ETV6: variants seen among roughly 807,000 people sequenced by gnomAD.
ETV6 encodes the protein transcription factor ETV6.
Under a neutral mutation model 51.1 loss-of-function variants are expected in ETV6, and 16 were observed. The ratio of observed to expected loss-of-function variants is 0.31; its 90% CI spans 0.21 to 0.48. The LOEUF is 0.48. Ranked by LOEUF, ETV6 falls within the 20% of genes least tolerant of loss-of-function variation. The pLI is 0.99. For synonymous variants in ETV6, 240 were observed against 224.1 expected (o/e 1.07, Z -0.64); for missense variants, 458 against 594.8 (o/e 0.77, Z 2.39).
chr12:11,682,458 A>T (rs1162293865), intron 1 of ETV6, among the ~76,000 whole-genome samples: 4 of 152,056 alleles, frequency 2.6e-5, no homozygotes, highest in Non-Finnish European at 5.9e-5. Flanking sequence ...TAGATTCTGG[A>T]TATTAGCCCT....
chr12:11,660,598 C>CAA (rs3983865), intron 1 of ETV6, among the ~76,000 whole-genome samples: 59,565 of 106,108 alleles, frequency 0.56, 17,566 homozygotes, highest in African/African-American at 0.59. Flanking sequence ...GACTCTGTCT[C>CAA]AAAAAAAAAA....
At chr12:11,844,946 C>T (rs1400741641) in intron 3 of ETV6, among the ~76,000 whole-genome samples, 3 of 152,140 alleles carry the variant, frequency 2.0e-5, no homozygotes, top group African/African-American at 7.2e-5. Context: ...ATTCTCCTGC[C>T]TCAGCCTCCT....
intron 6 of ETV6, 43 bp from the exon 7 acceptor site, chr12:11,885,883 T>C: frequency 7.0e-7 from 1 of 1,423,710 alleles, no homozygotes; most frequent in Non-Finnish European, 9.9e-7. Context: ...CATTTCATTG[T>C]GTCTTTGTGC....
chr12:11,664,293 T>C (rs867244603), intron 1 of ETV6, among the ~76,000 whole-genome samples: 11 of 152,272 alleles, frequency 7.2e-5, no homozygotes, highest in Middle Eastern at 3.4e-3. Flanking sequence ...ACTGGATCAG[T>C]TTGCTAGCCT....
At chr12:11,754,205 AT>A (rs1337036546) in intron 2 of ETV6, among the ~76,000 whole-genome samples, 7 of 152,178 alleles carry the variant, frequency 4.6e-5, no homozygotes, top group Non-Finnish European at 5.9e-5. Flanking sequence ...ACAAATAGTT[AT>A]TGATTGCCTC....
chr12:11,840,165 C>T (rs928929235), intron 3 of ETV6, among the ~76,000 whole-genome samples: 17 of 152,256 alleles, frequency 1.1e-4, no homozygotes, highest in African/African-American at 4.1e-4. Flanking sequence ...AAAATACAAG[C>T]AGAGGTCTCC....
At chr12:11,829,010 T>C (rs538956443) in intron 2 of ETV6, among the ~76,000 whole-genome samples, 1 of 152,230 alleles carries the variant, frequency 6.6e-6, no homozygotes, top group Admixed American at 6.5e-5. Context: ...TCAGCCTTCT[T>C]TCCTCCAACC....
intron 2 of ETV6, among the ~76,000 whole-genome samples, chr12:11,808,456 A>AC (rs1049670918): frequency 1.8e-4 from 27 of 151,340 alleles, no homozygotes; most frequent in African/African-American, 5.8e-4. Flanking sequence ...AAAAAAAAAA[A>AC]CCCACAAATG....
At position 11,893,841 on chromosome 12, in the gene ETV6, T is replaced by TATATATATATATATACAC. The variant is rs1491290450; in HGVS notation, c.*2796_*2797insTATATATATATATACACA. The TATATATATATATATACAC allele has an allele frequency of 7.0e-5, 4 of 57,320 alleles. No homozygotes were observed. The highest frequency in any genetic ancestry group is 2.5e-4 in the African/African-American group (4 of 15,696). The allele number at this position is 57,320 out of a possible 1,614,324, so 3.6% of individuals were successfully genotyped here. A position where few individuals can be genotyped will look rare whatever the true frequency, so the allele number is the denominator to read the frequency against. Reference sequence around the variant, plus strand: ...ATATATATATATATATATATATATATACACACACACACACATACACAAATA... The same window carrying TATATATATATATATACAC: ...ATATATATATATATATATATATATATATATATATATATATACACACACACACACACACATACACAAATA... On this transcript the variant is annotated 3_prime_UTR_variant, in exon 8 of 8. Transcript: ENST00000396373.
intron 2 of ETV6, among the ~76,000 whole-genome samples, chr12:11,794,520 G>T (rs1330108536): frequency 6.6e-6 from 1 of 152,184 alleles, no homozygotes; most frequent in Non-Finnish European, 1.5e-5. Flanking sequence ...TAGCCTCCTG[G>T]TGCTAGCTGT....
At chr12:11,743,681 G>A (rs1309953006) in intron 1 of ETV6, among the ~76,000 whole-genome samples, 1 of 152,178 alleles carries the variant, frequency 6.6e-6, no homozygotes, top group Non-Finnish European at 1.5e-5. Context: ...GGCATGTGTG[G>A]TCCATTTAAG....
At chr12:11,836,780 A>T (rs932861117) in intron 2 of ETV6, among the ~76,000 whole-genome samples, 10 of 151,544 alleles carry the variant, frequency 6.6e-5, no homozygotes, top group African/African-American at 2.4e-4. Flanking sequence ...AGCAGGATTC[A>T]GTTCTGTATT....
chr12:11,817,273 C>G (rs1048729610), intron 2 of ETV6, among the ~76,000 whole-genome samples: 1 of 152,154 alleles, frequency 6.6e-6, no homozygotes, highest in African/African-American at 2.4e-5. Context: ...TGCTTTTGCC[C>G]TTAGATGCCA....
intron 1 of ETV6, among the ~76,000 whole-genome samples, chr12:11,695,596 T>A (rs184954602): frequency 6.6e-6 from 1 of 152,252 alleles, no homozygotes; most frequent in African/African-American, 2.4e-5. Flanking sequence ...CAAGGCTGTC[T>A]TTTTCTCAAC....
chr12:11,748,878 A>G (rs998688173), intron 1 of ETV6, among the ~76,000 whole-genome samples: 1 of 151,960 alleles, frequency 6.6e-6, no homozygotes, highest in African/African-American at 2.4e-5. Context: ...ACCCTACTCC[A>G]TACTTCATTA....
intron 1 of ETV6, among the ~76,000 whole-genome samples, chr12:11,749,306 CACACA>C (rs1865971866): frequency 3.4e-5 from 2 of 58,960 alleles, no homozygotes; most frequent in African/African-American, 1.4e-4. Context: ...CACACACACA[CACACA>C]CACACACACA....
intron 2 of ETV6, among the ~76,000 whole-genome samples, chr12:11,814,631 G>A (rs1353322284): frequency 2.0e-5 from 3 of 152,164 alleles, no homozygotes; most frequent in African/African-American, 7.2e-5. Flanking sequence ...GGCTCAGATC[G>A]ATGGCTCTCC....
chr12:11,791,328 A>G (rs978909319), intron 2 of ETV6, among the ~76,000 whole-genome samples: 1 of 152,158 alleles, frequency 6.6e-6, no homozygotes, highest in Non-Finnish European at 1.5e-5. Flanking sequence ...ACGAGAACAG[A>G]GCTAAAATTA....
At chr12:11,797,191 C>G (rs1267569296) in intron 2 of ETV6, among the ~76,000 whole-genome samples, 1 of 152,118 alleles carries the variant, frequency 6.6e-6, no homozygotes, top group Non-Finnish European at 1.5e-5. Context: ...CTTTCAAACA[C>G]CATTATTTTT....
Sources: allele counts gnomAD v4.1 joint callset (sites outside exome capture counted in the v4.1 genomes callset), GRCh38; gene constraint gnomAD v4.1.1; transcripts MANE v1.5; gene names NCBI Gene and HGNC (gene_info 2026-07-23, HGNC 2026-07-21).